The following TOP2B variants were observed in gnomAD, a reference collection of about 807,000 sequenced individuals.
The protein encoded by TOP2B is DNA topoisomerase II beta.
Under a neutral mutation model 193.5 loss-of-function variants are expected in TOP2B, and 51 were observed. The observed-to-expected ratio is 0.26, with a 90% CI of 0.21 to 0.33. The LOEUF (loss-of-function observed/expected upper bound fraction) is 0.33, where lower values mean the gene tolerates loss of function less well. Ranked by LOEUF, TOP2B falls within the 10% of genes least tolerant of loss-of-function variation. TOP2B has a pLI of 1.00. For missense variants in TOP2B, 1,378 were observed against 1,909.3 expected (o/e 0.72, Z 5.19); for synonymous variants, 634 against 635.7 (o/e 1.00, Z 0.04).
chr3:25,617,197 A>T (rs1321658060), intron 25 of TOP2B, among the ~76,000 whole-genome samples: 1 of 152,148 alleles, frequency 6.6e-6, no homozygotes, highest in Non-Finnish European at 1.5e-5. Flanking sequence ...AGCATTAAAA[A>T]TTCATCAGCT....
chr3:25,618,672 G>T lies in TOP2B; in HGVS notation c.3241C>A (p.Gln1081Lys), dbSNP rs1369405674. Residue 1081 changes from glutamine to lysine, a missense_variant, in exon 24 of 36, where the codon CAA (glutamine) becomes AAA (lysine). By Grantham distance (53) the Gln-to-Lys change is moderately conservative. Transcript: ENST00000264331. ...NQARFILEKI[Q>K]GKITIENRSK... Reference sequence around the variant, plus strand: ...ATCTTACCTATAGTAATTTTCCCTTGTATCTTCTCTAAAATGAAACGGGCT... The same window carrying T: ...ATCTTACCTATAGTAATTTTCCCTTTTATCTTCTCTAAAATGAAACGGGCT... 1 of 1,609,790 alleles carries T rather than the reference G, an allele frequency of 6.2e-7. No individual in the cohort carries two copies. The highest frequency in any genetic ancestry group is 2.2e-5 in the East Asian group (1 of 44,778).
rs763068908 is a variant in TOP2B at position 25,624,668 on chromosome 3, A to G, written c.2346+14T>C. 2.5e-6 allele frequency: 4 copies of G among 1,612,518 alleles called. No individual in the cohort carries two copies. The highest frequency in any genetic ancestry group is 1.1e-5 in the South Asian group (1 of 90,650). On this transcript the variant is annotated intron_variant, in intron 19 of 35. Transcript: ENST00000264331. ...TAATTACAGTTCTCAATTGATTCCA[A>G]TCTTAATGCTTACTTCTCCATGATG...
At chr3:25,612,206 T>C (rs1187547027) in intron 28 of TOP2B, among the ~76,000 whole-genome samples, 1 of 152,130 alleles carries the variant, frequency 6.6e-6, no homozygotes, top group Non-Finnish European at 1.5e-5. Flanking sequence ...CCTCCCAAAG[T>C]GCTGGGATTA....
rs1337253166 is a variant in TOP2B at position 25,630,351 on chromosome 3, CCT to C, written c.1522_1523del (p.Arg508GlyfsTer5). 6.4e-7 allele frequency: 1 copy of C among 1,551,446 alleles called. No homozygotes were observed. Among genetic ancestry groups the C allele is most frequent in the Non-Finnish European group, 8.7e-7 (1 of 1,146,792 alleles). On this transcript the variant is annotated frameshift_variant, in exon 12 of 36. Coordinates refer to ENST00000264331, the MANE Select transcript of TOP2B (RefSeq NM_001330700.2). LOFTEE classifies it high-confidence loss of function. ...CTTCCCGTACATTAAGAATTTTGCC[CCT>C]GAGTGGAAAAACTCCGTATCTGTCT... Reference protein sequence around the residue: ...GRDRYGVFPLRGKILNVREAS... With the variant: ...GRDRYGVFPLXGKILNVREAS...
chr3:25,640,752 CTTTTTTTTTTTTT>C (rs372465937), intron 4 of TOP2B, among the ~76,000 whole-genome samples: 6 of 106,990 alleles, frequency 5.6e-5, no homozygotes, highest in Non-Finnish European at 1.2e-4. Context: ...TCTTCGTTGT[CTTTTTTTTTTTTT>C]TTTTTTTTTT....
intron 33 of TOP2B, among the ~76,000 whole-genome samples, chr3:25,603,473 C>A (rs1355698684): frequency 6.6e-6 from 1 of 152,078 alleles, no homozygotes; most frequent in East Asian, 1.9e-4. Flanking sequence ...AAACTCTTGA[C>A]CTCAAGCAAT....
chr3:25,646,673 G>A (rs1703423570), intron 1 of TOP2B, among the ~76,000 whole-genome samples: 1 of 152,110 alleles, frequency 6.6e-6, no homozygotes, highest in African/African-American at 2.4e-5. Flanking sequence ...TAAAGAAACA[G>A]AATACAGATA....
intron 1 of TOP2B, among the ~76,000 whole-genome samples, chr3:25,657,955 G>C (rs1703796663): frequency 7.4e-6 from 1 of 135,688 alleles, no homozygotes; most frequent in African/African-American, 3.2e-5. Flanking sequence ...CAGCTACTTG[G>C]GAGGCTGAGG....
chr3:25,618,274 G>A (rs1019823821), intron 25 of TOP2B, 144 bp downstream of exon 25: 1 of 629,246 alleles, frequency 1.6e-6, no homozygotes, highest in Non-Finnish European at 2.8e-6. Context: ...TCTGTTCTGT[G>A]GATAAACAGA....
Position 25,664,628 on chromosome 3 carries a change from T to C in TOP2B, c.-331A>G. The C allele has an allele frequency of 1.0e-6, 1 of 991,250 alleles. No homozygotes were observed. Among genetic ancestry groups the C allele is most frequent in the African/African-American group, 1.7e-5 (1 of 57,326 alleles). 61.4% of individuals were successfully genotyped at this position (991,250 alleles called of 1,614,324 possible). A position where few individuals can be genotyped will look rare whatever the true frequency, so the allele number is the denominator to read the frequency against. On this transcript the variant is annotated 5_prime_UTR_variant, in exon 1 of 36. Transcript: ENST00000264331. ...CCGCGGGCGCCGCTGCAGGCCGGGC[T>C]GAAGCCCGGGCGTGCGAGCCGCGAG...
chr3:25,663,895 C>T (rs1703995626), intron 1 of TOP2B, among the ~76,000 whole-genome samples: 1 of 152,110 alleles, frequency 6.6e-6, no homozygotes, highest in Non-Finnish European at 1.5e-5. Flanking sequence ...TTATCGCCAT[C>T]CCCACCATTT....
chr3:25,613,356 G>A (rs1702427939), intron 27 of TOP2B, among the ~76,000 whole-genome samples: 1 of 152,094 alleles, frequency 6.6e-6, no homozygotes, highest in African/African-American at 2.4e-5. Flanking sequence ...TAGCACAACA[G>A]TTTAATAGAA....
chr3:25,627,735 C>T lies in TOP2B; in HGVS notation c.1907-439G>A, dbSNP rs143747357. ...TATTAATAAACTTATCAACCAAATG[C>T]AATGTGTGGACCTTACTTGGATCCT... On this transcript the variant is annotated intron_variant, in intron 15 of 35. Coordinates refer to ENST00000264331, the MANE Select transcript of TOP2B (RefSeq NM_001330700.2). 8.9e-3 allele frequency among the ~76,000 whole-genome samples: 1,359 copies of T among 152,142 alleles called. 10 individuals carry two copies. The highest frequency in any genetic ancestry group is 0.014 in the Non-Finnish European group (936 of 67,978).
At chr3:25,624,902 A>T in intron 18 of TOP2B, 99 bp from the exon 19 acceptor site, 3 of 1,165,368 alleles carry the variant, frequency 2.6e-6, no homozygotes, top group Non-Finnish European at 3.6e-6. Context: ...CAAGAACACC[A>T]GTAAAATTGT....
chr3:25,658,060 CAAAAAAA>C (rs1334572390), intron 1 of TOP2B, among the ~76,000 whole-genome samples: 1 of 44,770 alleles, frequency 2.2e-5, no homozygotes. Context: ...GACTCCGTCT[CAAAAAAA>C]AAAAAAAAAA....
chr3:25,604,496 C>A (rs1207082237), intron 33 of TOP2B, among the ~76,000 whole-genome samples: 1 of 152,152 alleles, frequency 6.6e-6, no homozygotes, highest in Non-Finnish European at 1.5e-5. Context: ...ACAACCTAAC[C>A]ACAAGGGAGC....
chr3:25,626,739 T>G, intron 17 of TOP2B, 33 bp downstream of exon 17: 1 of 1,563,682 alleles, frequency 6.4e-7, no homozygotes, highest in Non-Finnish European at 8.7e-7. Context: ...TCTCTCTCCT[T>G]CTTTCCCCAG....
At chr3:25,641,072 G>C (rs9841803) in intron 4 of TOP2B, among the ~76,000 whole-genome samples, 1,556 of 152,090 alleles carry the variant, frequency 0.01, 23 homozygotes, top group African/African-American at 0.03. Context: ...GTGAGCTGCC[G>C]CACCTGGCTT....
At chr3:25,652,402 C>T (rs1193867215) in intron 1 of TOP2B, among the ~76,000 whole-genome samples, 3 of 152,174 alleles carry the variant, frequency 2.0e-5, no homozygotes, top group Non-Finnish European at 4.4e-5. Flanking sequence ...GGAACATTCT[C>T]CAACAAAGAC....
Sources: allele counts gnomAD v4.1 joint callset (sites outside exome capture counted in the v4.1 genomes callset), GRCh38; gene constraint gnomAD v4.1.1; transcripts MANE v1.5; gene names NCBI Gene and HGNC (gene_info 2026-07-23, HGNC 2026-07-21).